Variants in ZFHX3 observed in about 807,000 individuals in gnomAD.
ZFHX3 encodes zinc finger homeobox protein 3.
A neutral mutation model predicts 279.1 loss-of-function variants in ZFHX3; 42 were observed. The observed-to-expected ratio is 0.15, with a 90% confidence interval of 0.12 to 0.19. The LOEUF is 0.19. Among genes scored for constraint, ZFHX3 ranks in the 10% least tolerant of loss-of-function variants. The pLI is 1.00. For missense variants in ZFHX3, 4,981 were observed against 4,754.0 expected, an observed-to-expected ratio of 1.05 and a Z score of -1.40; for synonymous variants, 2,293 against 1,957.8, an observed-to-expected ratio of 1.17 and a Z score of -4.52.
rs2144441953 is a variant in ZFHX3, at chr16:72,958,381, C to T, written c.1765G>A (p.Asp589Asn). The change falls in exon 2 of 10, where the codon GAC becomes AAC. Residue 589 changes from aspartate to asparagine, a missense_variant. Coordinates refer to ENST00000268489, the MANE Select transcript of ZFHX3 (RefSeq NM_006885.4). Reference sequence around the variant, plus strand: ...TTATTGGCACTTTCGTCAGCGAAGTCCAGCCTCCTGCCGCCCTCTGCCACA... The same window carrying T: ...TTATTGGCACTTTCGTCAGCGAAGTTCAGCCTCCTGCCGCCCTCTGCCACA... ...ANVAEGGRRL[D>N]FADESANKDN... The T allele has an allele frequency of 1.9e-6, 3 of 1,614,154 alleles. No individual in the cohort carries two copies. The highest frequency in any genetic ancestry group is 1.1e-5 in the South Asian group (1 of 91,078).
In ZFHX3 at chr16:72,972,920, A is replaced by T. The variant is rs1962170603; in HGVS notation, c.-49-12726T>A. ...ATTCTTTTATCATTTCAACTCACAGACATCTCTCCTCCCTGTTCTCCTGTA... is the reference window on the plus strand; with the variant it reads ...ATTCTTTTATCATTTCAACTCACAGTCATCTCTCCTCCCTGTTCTCCTGTA... On this transcript the variant is annotated intron_variant, in intron 1 of 9. Coordinates refer to ENST00000268489, the MANE Select transcript of ZFHX3 (RefSeq NM_006885.4). Among the ~76,000 whole-genome samples, 4 of 152,142 alleles carry T rather than the reference A, an allele frequency of 2.6e-5. 1 individual carries two copies. Among genetic ancestry groups the T allele is most frequent in the Admixed American group, 6.5e-5 (1 of 15,284 alleles).
chr16:73,413,897 A>G (rs1244337188), intron 3 of ZFHX3, among the ~76,000 whole-genome samples: 1 of 152,252 alleles, frequency 6.6e-6, no homozygotes, highest in African/African-American at 2.4e-5. Flanking sequence ...AATTGTGATC[A>G]TTGGATTATT....
At chr16:72,833,521 A>G (rs1397931550) in intron 4 of ZFHX3, among the ~76,000 whole-genome samples, 1 of 152,210 alleles carries the variant, frequency 6.6e-6, no homozygotes, top group Non-Finnish European at 1.5e-5. Context: ...ACAGAAAAAG[A>G]GACCAAGACA....
chr16:73,102,416 A>C (rs1006284045), intron 7 of ZFHX3, among the ~76,000 whole-genome samples: 11 of 152,172 alleles, frequency 7.2e-5, no homozygotes, highest in Non-Finnish European at 1.3e-4. Flanking sequence ...AAGCTGCTGG[A>C]AGTGAATTTC....
intron 2 of ZFHX3, among the ~76,000 whole-genome samples, chr16:73,502,123 C>G (rs991020044): frequency 6.6e-6 from 1 of 151,940 alleles, no homozygotes; most frequent in Non-Finnish European, 1.5e-5. Context: ...GGAAAAAAAG[C>G]CCATAGATGA....
chr16:73,613,765 C>T (rs1311904591), intron 2 of ZFHX3, among the ~76,000 whole-genome samples: 2 of 152,238 alleles, frequency 1.3e-5, no homozygotes, highest in South Asian at 2.1e-4. Flanking sequence ...GGATTGGTGC[C>T]GGCATCTGCG....
At chr16:73,744,764 T>C (rs895037349) in intron 1 of ZFHX3, among the ~76,000 whole-genome samples, 1 of 152,212 alleles carries the variant, frequency 6.6e-6, no homozygotes, top group Middle Eastern at 3.2e-3. Context: ...TTTTGCATTC[T>C]GAATATTACT....
chr16:73,459,793 C>T (rs1364552023), intron 2 of ZFHX3, among the ~76,000 whole-genome samples: 1 of 152,130 alleles, frequency 6.6e-6, no homozygotes. Context: ...AGGAGAAGTG[C>T]TGAGCTAAGG....
chr16:73,229,993 G>C, intron 5 of ZFHX3, among the ~76,000 whole-genome samples: 1 of 152,254 alleles, frequency 6.6e-6, no homozygotes, highest in South Asian at 2.1e-4. Flanking sequence ...TTAATGAATA[G>C]ATAGAAAAGC....
chr16:73,008,053 C>G (rs765246894), intron 1 of ZFHX3, among the ~76,000 whole-genome samples: 4 of 152,064 alleles, frequency 2.6e-5, no homozygotes, highest in Non-Finnish European at 5.9e-5. Flanking sequence ...TTAGATTTAT[C>G]AATTCAGTGT....
chr16:73,737,608 C>T (rs1004557567), intron 1 of ZFHX3, among the ~76,000 whole-genome samples: 1 of 151,984 alleles, frequency 6.6e-6, no homozygotes, highest in Non-Finnish European at 1.5e-5. Flanking sequence ...CTATTCAAAG[C>T]TTCAAAGCAA....
intron 2 of ZFHX3, among the ~76,000 whole-genome samples, chr16:73,491,544 C>A (rs2019056329): frequency 6.6e-6 from 1 of 152,218 alleles, no homozygotes; most frequent in South Asian, 2.1e-4. Context: ...ATCCTCACTA[C>A]TTCATAACAG....
chr16:72,790,028 C>G (rs1338900871), intron 9 of ZFHX3: 1 of 152,396 alleles, frequency 6.6e-6, no homozygotes, highest in African/African-American at 2.4e-5. Context: ...CATCCTTGAT[C>G]ATACCCCTAA....
intron 4 of ZFHX3, among the ~76,000 whole-genome samples, chr16:72,861,682 A>C (rs1462628578): frequency 6.6e-6 from 1 of 152,206 alleles, no homozygotes; most frequent in Non-Finnish European, 1.5e-5. Flanking sequence ...CAGAAAGCCT[A>C]ACCTGAAGGT....
intron 3 of ZFHX3, among the ~76,000 whole-genome samples, chr16:73,336,935 C>T (rs1003485665): frequency 1.3e-5 from 2 of 152,102 alleles, no homozygotes; most frequent in African/African-American, 2.4e-5. Flanking sequence ...AGCACCCTGT[C>T]GAGCCTTAAT....
At chr16:73,809,257 G>C (rs899677469) in intron 1 of ZFHX3, 3 of 152,176 alleles carry the variant, frequency 2.0e-5, no homozygotes, top group Non-Finnish European at 2.9e-5. Context: ...CATCATCAAA[G>C]CTGTAATGCA....
chr16:73,032,673 A>G (rs1169717487), intron 1 of ZFHX3, among the ~76,000 whole-genome samples: 3 of 146,554 alleles, frequency 2.0e-5, no homozygotes, highest in Non-Finnish European at 3.0e-5. Flanking sequence ...CTCAGCATTT[A>G]AAAAAAGAAC....
chr16:72,863,505 CAG>C (rs369872583), intron 4 of ZFHX3, among the ~76,000 whole-genome samples: 6 of 147,990 alleles, frequency 4.1e-5, no homozygotes, highest in Admixed American at 6.7e-5. Flanking sequence ...GTGACAGAGA[CAG>C]AGAGAGAGAG....
intron 3 of ZFHX3, among the ~76,000 whole-genome samples, chr16:73,450,009 C>T (rs189503487): frequency 6.6e-6 from 1 of 152,082 alleles, no homozygotes; most frequent in African/African-American, 2.4e-5. Context: ...ATGCATAACC[C>T]TATTTTAAAA....
Sources: gnomAD v4.1 joint callset for allele counts (sites outside exome capture counted in the v4.1 genomes callset) on GRCh38, gnomAD v4.1.1 for gene constraint, MANE v1.5 for transcripts, NCBI Gene and HGNC (gene_info 2026-07-23, HGNC 2026-07-21) for gene names.